FITM2: variants seen among roughly 807,000 people sequenced by gnomAD.
The protein encoded by FITM2 is acyl-coenzyme A diphosphatase FITM2.
A neutral mutation model predicts 23.3 loss-of-function variants in FITM2; 16 were observed. The observed-to-expected ratio is 0.69, with a 90% CI of 0.47 to 1.05. FITM2 has a LOEUF of 1.05. Among genes scored for constraint, FITM2 ranks in the 50% least tolerant of loss-of-function variants. The pLI is 0.00. For synonymous variants in FITM2, 132 were observed against 142.0 expected (o/e 0.93, Z 0.50); for missense variants, 273 against 327.5 (o/e 0.83, Z 1.29).
At position 44,306,487 on chromosome 20, in the gene FITM2, C is replaced by T. The variant is rs1182938900; in HGVS notation, c.*138G>A. 6 of 1,201,120 alleles carry T rather than the reference C, an allele frequency of 5.0e-6. No individual in the cohort carries two copies. Among genetic ancestry groups the T allele is most frequent in the Non-Finnish European group, 6.9e-6 (6 of 872,836 alleles). 74.4% of individuals were successfully genotyped at this position (1,201,120 alleles called of 1,614,324 possible). On this transcript the variant is annotated 3_prime_UTR_variant, in exon 2 of 2. Transcript: ENST00000396825. ...CTGAAGACTAAACTCACTCCCCAGA[C>T]TTCAGCACCACCCACCAAAACTGCC...
chr20:44,310,135 T>G (rs901271877), intron 1 of FITM2, among the ~76,000 whole-genome samples: 1 of 152,204 alleles, frequency 6.6e-6, no homozygotes, highest in East Asian at 1.9e-4. Flanking sequence ...ATAACCAAAG[T>G]TGGGCTGACT....
At chr20:44,310,558 G>A (rs1457814448) in intron 1 of FITM2, among the ~76,000 whole-genome samples, 1 of 152,172 alleles carries the variant, frequency 6.6e-6, no homozygotes, top group South Asian at 2.1e-4. Context: ...GACGCAGGGT[G>A]GGGTCTGCGC....
In FITM2 at chr20:44,303,622, T is replaced by C. The variant is rs1344850702; in HGVS notation, c.*3003A>G. The C allele has an allele frequency of 6.6e-6, 1 of 151,520 alleles. No homozygotes were observed. Among genetic ancestry groups the C allele is most frequent in the East Asian group, 1.9e-4 (1 of 5,180 alleles). The allele number at this position is 151,520 out of a possible 1,614,324, so 9.4% of individuals were successfully genotyped here. On this transcript the variant is annotated 3_prime_UTR_variant, in exon 2 of 2. Transcript: ENST00000396825. Reference sequence around the variant, plus strand: ...CCTTTTGGTGCTGAACATGACACTTTGGAGAGCCTTTTTTTTTTTTGAGAC... The same window carrying C: ...CCTTTTGGTGCTGAACATGACACTTCGGAGAGCCTTTTTTTTTTTTGAGAC...
Position 44,311,127 on chromosome 20 carries a change from C to A in FITM2, c.22G>T (p.Glu8Ter). The A allele has an allele frequency of 6.2e-7, 1 of 1,612,824 alleles. No homozygotes were observed. MEHLERC[E>*]WLLRGTLVRA... ...ACCAGCGTCCCCCGCAACAACCACT[C>A]GCAGCGCTCCAGATGCTCCATGCCG... The change falls in exon 1 of 2, where the codon GAG (glutamate) becomes TAG (stop). Residue 8 changes from glutamate to a stop codon, truncating the protein, a stop_gained. Transcript: ENST00000396825. LOFTEE classifies it high-confidence loss of function.
chr20:44,308,395 T>C (rs2062696433), intron 1 of FITM2, among the ~76,000 whole-genome samples: 1 of 152,196 alleles, frequency 6.6e-6, no homozygotes, highest in African/African-American at 2.4e-5. Flanking sequence ...TTCCATTTTA[T>C]AGACAAGAAA....
rs2039851914 is a variant in FITM2, at chr20:44,306,325, C to T, written c.*300G>A. Reference sequence around the variant, plus strand: ...CACCATAAAGGCTTTCCTGATTCTGCCCTTTTGCTGAGCCTTAGGTCCCCA... The same window carrying T: ...CACCATAAAGGCTTTCCTGATTCTGTCCTTTTGCTGAGCCTTAGGTCCCCA... On this transcript the variant is annotated 3_prime_UTR_variant, in exon 2 of 2. Transcript: ENST00000396825. 1 of 347,520 alleles carries T rather than the reference C, an allele frequency of 2.9e-6. No individual in the cohort carries two copies. Among genetic ancestry groups the T allele is most frequent in the South Asian group, 2.7e-5 (1 of 36,980 alleles). 21.5% of individuals were successfully genotyped at this position (347,520 alleles called of 1,614,324 possible). A position where few individuals can be genotyped will look rare whatever the true frequency, so the allele number is the denominator to read the frequency against.
Position 44,306,291 on chromosome 20 carries a change from C to A in FITM2, c.*334G>T. 3 of 309,152 alleles carry A rather than the reference C, an allele frequency of 9.7e-6. No individual in the cohort carries two copies. In the South Asian group the frequency reaches 9.8e-5, roughly 10 times the overall value. 19.2% of individuals were successfully genotyped at this position (309,152 alleles called of 1,614,324 possible). The stretch of plus-strand genomic sequence containing the variant: ...AGGAGTCCCAAGGCTCTGGCCACTC[C>A]TTTAGCCACACCATAAAGGCTTTCC... On this transcript the variant is annotated 3_prime_UTR_variant, in exon 2 of 2. Coordinates refer to ENST00000396825, the MANE Select transcript of FITM2 (RefSeq NM_001080472.4).
rs1048772307 is a variant in FITM2, at chr20:44,311,115, G to A, written c.34C>T (p.Arg12Trp). The A allele has an allele frequency of 1.9e-6, 3 of 1,612,848 alleles. No individual in the cohort carries two copies. Among genetic ancestry groups the A allele is most frequent in the Non-Finnish European group, 2.5e-6 (3 of 1,179,534 alleles). The change falls in exon 1 of 2, where the codon CGG (arginine) becomes TGG (tryptophan). Residue 12 changes from arginine to tryptophan, a missense_variant. Arg to Trp is a moderately radical substitution (Grantham distance 101). Transcript: ENST00000396825. ...ACGGCCGCCCGCACCAGCGTCCCCC[G>A]CAACAACCACTCGCAGCGCTCCAGA... ...EHLERCEWLL[R>W]GTLVRAAVRR...
Position 44,306,550 on chromosome 20 carries a change from G to C in FITM2, c.*75C>G, listed in dbSNP as rs1159800166. 1.3e-6 allele frequency: 2 copies of C among 1,547,380 alleles called. No homozygotes were observed. Among genetic ancestry groups the C allele is most frequent in the Non-Finnish European group, 1.7e-6 (2 of 1,150,518 alleles). On this transcript the variant is annotated 3_prime_UTR_variant, in exon 2 of 2. Transcript: ENST00000396825. ...CCTCTGAAGTAGGATCAATAATTTA[G>C]CCAAATAACTAAGCAAAATATATAT...
chr20:44,311,084 C>A lies in FITM2; in HGVS notation c.65G>T (p.Arg22Leu). ...GGCCACCAGGGCCCAGGGCAGGTAGCGCCGCACGGCCGCCCGCACCAGCGT... is the reference window on the plus strand; with the variant it reads ...GGCCACCAGGGCCCAGGGCAGGTAGAGCCGCACGGCCGCCCGCACCAGCGT... The part of the protein sequence containing the change: ...RGTLVRAAVR[R>L]YLPWALVASM... The change falls in exon 1 of 2, where the codon CGC (arginine) becomes CTC (leucine). Residue 22 changes from arginine to leucine, a missense_variant. By Grantham distance (102) the Arg-to-Leu change is moderately radical. Coordinates refer to ENST00000396825, the MANE Select transcript of FITM2 (RefSeq NM_001080472.4). 1 of 1,612,568 alleles carries A rather than the reference C, an allele frequency of 6.2e-7. No homozygotes were observed. Among genetic ancestry groups the A allele is most frequent in the Non-Finnish European group, 8.5e-7 (1 of 1,179,504 alleles).
intron 1 of FITM2, among the ~76,000 whole-genome samples, chr20:44,308,463 A>C (rs13037113): frequency 0.32 from 47,959 of 151,968 alleles, 8,373 homozygotes; most frequent in East Asian, 0.46. Flanking sequence ...AACCAGCATG[A>C]ACAGATTAAA....
intron 1 of FITM2, 71 bp from the exon 2 acceptor site, chr20:44,307,311 C>G: frequency 6.4e-7 from 1 of 1,560,920 alleles, no homozygotes; most frequent in East Asian, 2.3e-5. Flanking sequence ...GGACTCAGGT[C>G]TCTACACTGT....
Position 44,306,449 on chromosome 20 carries a change from C to T in FITM2, c.*176G>A, listed in dbSNP as rs2062689689. 7 of 778,652 alleles carry T rather than the reference C, an allele frequency of 9.0e-6. No homozygotes were observed. Among genetic ancestry groups the T allele is most frequent in the African/African-American group, 1.8e-5 (1 of 57,058 alleles). 48.2% of individuals were successfully genotyped at this position (778,652 alleles called of 1,614,324 possible). A position where few individuals can be genotyped will look rare whatever the true frequency, so the allele number is the denominator to read the frequency against. ...GTGGTGCTTGCAACACTGGTGATGT[C>T]GCCAAGAATAGTCTGAAGACTAAAC... On this transcript the variant is annotated 3_prime_UTR_variant, in exon 2 of 2. Coordinates refer to ENST00000396825, the MANE Select transcript of FITM2 (RefSeq NM_001080472.4).
chr20:44,310,862 G>A, intron 1 of FITM2, 114 bp downstream of exon 1: 1 of 1,376,332 alleles, frequency 7.3e-7, no homozygotes, highest in Non-Finnish European at 9.7e-7. Flanking sequence ...ACGGCTAGGA[G>A]GAGGACCTCC....
Position 44,303,024 on chromosome 20 carries a change from T to G in FITM2, c.*3601A>C, listed in dbSNP as rs1316157751. 2 of 152,156 alleles carry G rather than the reference T, an allele frequency of 1.3e-5. No homozygotes were observed. The highest frequency in any genetic ancestry group is 2.9e-5 in the Non-Finnish European group (2 of 68,030). The allele number at this position is 152,156 out of a possible 1,614,324, so 9.4% of individuals were successfully genotyped here. On this transcript the variant is annotated 3_prime_UTR_variant, in exon 2 of 2. Coordinates refer to ENST00000396825, the MANE Select transcript of FITM2 (RefSeq NM_001080472.4). Reference sequence around the variant, plus strand: ...GAAAGGCAAAATAAGCATGGCAGTATTCTATGATCACAGATGCCCCCAGAG... The same window carrying G: ...GAAAGGCAAAATAAGCATGGCAGTAGTCTATGATCACAGATGCCCCCAGAG...
Position 44,304,060 on chromosome 20 carries a change from C to G in FITM2, c.*2565G>C, listed in dbSNP as rs376748535. ...TGGTGCCACCTCCCATATCTCATCA[C>G]CTGTGTTTCTGCTCCTTTTGGGTGC... is the stretch of plus-strand genomic sequence containing the variant. On this transcript the variant is annotated 3_prime_UTR_variant, in exon 2 of 2. Coordinates refer to ENST00000396825, the MANE Select transcript of FITM2 (RefSeq NM_001080472.4). 3 of 152,196 alleles carry G rather than the reference C, an allele frequency of 2.0e-5. No individual in the cohort carries two copies. The highest frequency in any genetic ancestry group is 7.2e-5 in the African/African-American group (3 of 41,438). The allele number at this position is 152,196 out of a possible 1,614,324, so 9.4% of individuals were successfully genotyped here.
At chr20:44,309,333 C>T (rs971878234) in intron 1 of FITM2, among the ~76,000 whole-genome samples, 1 of 152,146 alleles carries the variant, frequency 6.6e-6, no homozygotes, top group Non-Finnish European at 1.5e-5. Context: ...GCACGCACCA[C>T]CACGCCAGGC....
In FITM2 at chr20:44,306,922, G is replaced by A; in HGVS notation, c.492C>T (p.Leu164=). The change falls in exon 2 of 2, where the codon CTC becomes CTT. Residue 164 remains leucine, a synonymous_variant. Coordinates refer to ENST00000396825, the MANE Select transcript of FITM2 (RefSeq NM_001080472.4). ...GCACAGACATCTCTTCTACAATCAT[G>A]AGGGCGCAGAAGGTCAGCAGGAAGG... The part of the protein sequence containing the change: ...GHSFLLTFCA[L]MIVEEMSVLH... The A allele has an allele frequency of 6.2e-7, 1 of 1,614,204 alleles. No individual in the cohort carries two copies. The highest frequency in any genetic ancestry group is 1.3e-5 in the African/African-American group (1 of 75,056).
chr20:44,306,599 CCTT>C lies in FITM2; in HGVS notation c.*23_*25del. ...ATTTGAAAAATAGATTAGCCATTGT[CCTT>C]CTGTCCCCCCTCTGTTACTCTTTTA... On this transcript the variant is annotated 3_prime_UTR_variant, in exon 2 of 2. Coordinates refer to ENST00000396825, the MANE Select transcript of FITM2 (RefSeq NM_001080472.4). The C allele has an allele frequency of 1.2e-6, 2 of 1,602,990 alleles. No individual in the cohort carries two copies. Among genetic ancestry groups the C allele is most frequent in the Non-Finnish European group, 1.7e-6 (2 of 1,173,496 alleles).
Sources: gnomAD v4.1 joint callset for allele counts (sites outside exome capture counted in the v4.1 genomes callset) on GRCh38, gnomAD v4.1.1 for gene constraint, MANE v1.5 for transcripts, NCBI Gene and HGNC (gene_info 2026-07-23, HGNC 2026-07-21) for gene names.